Variants in RFX6 observed in about 807,000 individuals in gnomAD.
RFX6 encodes regulatory factor X6, also known as DNA-binding protein RFX6.
In RFX6, 50 loss-of-function variants were observed where a neutral mutation model predicts 110.8. The ratio of observed to expected loss-of-function variants is 0.45; its 90% confidence interval spans 0.36 to 0.57. The LOEUF (loss-of-function observed/expected upper bound fraction) is 0.57. RFX6 is among the 20% of genes least tolerant of loss of function. RFX6 has a pLI of 0.00. For synonymous variants in RFX6, 383 were observed against 411.2 expected, an observed-to-expected ratio of 0.93 and a Z score of 0.83; for missense variants, 990 against 1,127.0, an observed-to-expected ratio of 0.88 and a Z score of 1.74.
intron 9 of RFX6, among the ~76,000 whole-genome samples, chr6:116,916,806 C>T (rs975004710): frequency 2.0e-5 from 3 of 151,952 alleles, no homozygotes; most frequent in African/African-American, 7.2e-5. Flanking sequence ...TCGAAGACAT[C>T]CTAAATAAGG....
chr6:116,919,674 T>C (rs1356817437), intron 11 of RFX6, among the ~76,000 whole-genome samples: 3 of 152,208 alleles, frequency 2.0e-5, no homozygotes, highest in Non-Finnish European at 2.9e-5. Flanking sequence ...GCCATGTGAA[T>C]CTAATTGGTA....
chr6:116,915,482 G>T lies in RFX6; in HGVS notation c.781-526G>T, dbSNP rs78361822. On this transcript the variant is annotated intron_variant, in intron 7 of 18. Coordinates refer to ENST00000332958, the MANE Select transcript of RFX6 (RefSeq NM_173560.4). ...AAAGCCACTTTTGCAGTCATACCTG[G>T]TAAGTAGTGCAGTGAAGGTGGGCAC... 4.2e-3 allele frequency among the ~76,000 whole-genome samples: 643 copies of T among 152,152 alleles called. 7 individuals are homozygous for T. The highest frequency in any genetic ancestry group is 0.015 in the African/African-American group (613 of 41,514).
chr6:116,919,655 CATTT>C (rs1775550004), intron 11 of RFX6, among the ~76,000 whole-genome samples: 1 of 152,144 alleles, frequency 6.6e-6, no homozygotes. Flanking sequence ...TGCAATTAAA[CATTT>C]ATTTGCCATG....
chr6:116,900,195 CAA>C, intron 6 of RFX6, among the ~76,000 whole-genome samples: 1 of 152,198 alleles, frequency 6.6e-6, no homozygotes, highest in African/African-American at 2.4e-5. Flanking sequence ...AGATCTGCAC[CAA>C]GTCTTTAAAG....
intron 4 of RFX6, 106 bp downstream of exon 4, chr6:116,882,534 C>A: frequency 2.6e-6 from 2 of 771,350 alleles, no homozygotes; most frequent in South Asian, 1.5e-5. Context: ...CAGGTATTCT[C>A]TTGATGAAGC....
At chr6:116,883,989 A>C (rs560440530) in intron 4 of RFX6, among the ~76,000 whole-genome samples, 2 of 152,304 alleles carry the variant, frequency 1.3e-5, no homozygotes. Context: ...GATTTAGTCC[A>C]AGTTCATTTT....
chr6:116,927,128 G>T lies in RFX6; in HGVS notation c.1987G>T (p.Gly663Trp). 1.2e-6 allele frequency: 2 copies of T among 1,614,176 alleles called. No individual in the cohort carries two copies. The highest frequency in any genetic ancestry group is 1.7e-4 in the Middle Eastern group (1 of 6,060). ...TGTCATTAACCAAGGACCAATGGCA[G>T]GGAGGCCCCCAAGTGTGGGCCCAGT... The part of the protein sequence containing the change: ...GSVINQGPMA[G>W]RPPSVGPVLS... The change falls in exon 17 of 19, where the codon GGG (glycine) becomes TGG (tryptophan). Residue 663 changes from glycine (G) to tryptophan (W), a missense_variant. Transcript: ENST00000332958.
In RFX6 at chr6:116,927,469, C is replaced by T. The variant is rs148480292; in HGVS notation, c.2328C>T (p.Ser776=). ...SHNMQFLNTG[S]FNFLSNTGAA... is the part of the protein sequence containing the mutation. ...ATATGCAGTTTTTAAATACAGGAAGCTTCAATTTCTTGAGCAACACAGGAG... is the reference window on the plus strand; with the variant it reads ...ATATGCAGTTTTTAAATACAGGAAGTTTCAATTTCTTGAGCAACACAGGAG... Residue 776 remains serine, a synonymous_variant, in exon 17 of 19, where the codon AGC becomes AGT. Transcript: ENST00000332958. The T allele has an allele frequency of 4.2e-5, 67 of 1,614,096 alleles. 1 individual carries two copies. In the African/African-American group the frequency reaches 7.1e-4, roughly 17 times the overall value.
At chr6:116,924,256 G>A (rs200440454) in intron 14 of RFX6, among the ~76,000 whole-genome samples, 1 of 152,164 alleles carries the variant, frequency 6.6e-6, no homozygotes, top group East Asian at 1.9e-4. Context: ...TTCAGACCAT[G>A]TTGGCCATTG....
intron 7 of RFX6, among the ~76,000 whole-genome samples, chr6:116,915,068 G>A (rs183662546): frequency 1.3e-4 from 20 of 152,208 alleles, no homozygotes; most frequent in African/African-American, 3.6e-4. Flanking sequence ...TTTTTTTCAC[G>A]TAGAGTACAT....
At chr6:116,910,487 C>G (rs751092062) in intron 6 of RFX6, among the ~76,000 whole-genome samples, 1 of 152,228 alleles carries the variant, frequency 6.6e-6, no homozygotes, top group South Asian at 2.1e-4. Context: ...CTAGTAATTA[C>G]CTCTGAGACT....
chr6:116,899,215 A>T (rs1775015453), intron 6 of RFX6, among the ~76,000 whole-genome samples: 1 of 152,206 alleles, frequency 6.6e-6, no homozygotes, highest in South Asian at 2.1e-4. Flanking sequence ...AAGTGAAATG[A>T]CATACCATGT....
chr6:116,887,854 C>A (rs1216641419), intron 4 of RFX6, among the ~76,000 whole-genome samples: 2 of 152,200 alleles, frequency 1.3e-5, no homozygotes, highest in Admixed American at 6.5e-5. Context: ...TTGTATCCCA[C>A]CCTTGCTCAG....
intron 11 of RFX6, among the ~76,000 whole-genome samples, chr6:116,920,064 A>G (rs984178653): frequency 2.0e-5 from 3 of 152,196 alleles, no homozygotes; most frequent in Non-Finnish European, 2.9e-5. Context: ...TTACATATGT[A>G]TACATGTGCC....
chr6:116,905,556 C>CT (rs34779403), intron 6 of RFX6, among the ~76,000 whole-genome samples: 2,059 of 141,060 alleles, frequency 0.015, 32 homozygotes, highest in Admixed American at 0.044. Context: ...AAAAGTGTTT[C>CT]TTTTTTTTTT....
At chr6:116,902,370 C>T (rs1359795798) in intron 6 of RFX6, among the ~76,000 whole-genome samples, 16 of 151,540 alleles carry the variant, frequency 1.1e-4, no homozygotes. Flanking sequence ...CAAACAACAA[C>T]AACAAAAAAC....
intron 3 of RFX6, 114 bp downstream of exon 3, chr6:116,880,781 T>G: frequency 2.5e-6 from 3 of 1,193,088 alleles, no homozygotes; most frequent in Non-Finnish European, 3.7e-6. Flanking sequence ...ACATTTGTTT[T>G]GCAGGCATAA....
intron 16 of RFX6, among the ~76,000 whole-genome samples, chr6:116,926,087 C>T (rs903692361): frequency 1.2e-4 from 19 of 152,136 alleles, no homozygotes; most frequent in Non-Finnish European, 2.9e-5. Flanking sequence ...GAGGCCGAGG[C>T]GAGCAGAGCA....
chr6:116,892,241 G>A (rs759305582), intron 4 of RFX6, among the ~76,000 whole-genome samples: 2 of 152,190 alleles, frequency 1.3e-5, no homozygotes, highest in Non-Finnish European at 2.9e-5. Flanking sequence ...CCACAGTCCT[G>A]CCCTTAGCAC....
Sources: allele counts gnomAD v4.1 joint callset (sites outside exome capture counted in the v4.1 genomes callset), GRCh38; gene constraint gnomAD v4.1.1; transcripts MANE v1.5; gene names NCBI Gene and HGNC (gene_info 2026-07-23, HGNC 2026-07-21).